MICAL2: variants seen among roughly 807,000 people sequenced by gnomAD.
MICAL2 encodes [F-actin]-monooxygenase MICAL2.
Under a neutral mutation model 127.3 loss-of-function variants are expected in MICAL2, and 77 were observed. The observed-to-expected ratio is 0.60, with a 90% CI of 0.50 to 0.73. MICAL2 has a LOEUF of 0.73. Ranked by LOEUF, MICAL2 falls within the 30% of genes least tolerant of loss-of-function variation. The pLI is 0.00. For synonymous variants in MICAL2, 570 were observed against 551.1 expected, an observed-to-expected ratio of 1.03 and a Z score of -0.48; for missense variants, 1,351 against 1,434.4, an observed-to-expected ratio of 0.94 and a Z score of 0.94.
At chr11:12,265,545 T>C (rs1210828731), downstream of MICAL2, among the ~76,000 whole-genome samples, 2 of 152,180 alleles carry the variant, frequency 1.3e-5, no homozygotes, top group Admixed American at 6.5e-5. Flanking sequence ...AAATATTAAA[T>C]AGACCATTAG....
intron 1 of MICAL2, among the ~76,000 whole-genome samples, chr11:12,279,204 T>C (rs1863747941): frequency 6.6e-6 from 1 of 152,158 alleles, no homozygotes; most frequent in Non-Finnish European, 1.5e-5. Flanking sequence ...TTTGGTTCTC[T>C]GCATCAGAGG....
chr11:12,337,285 G>A (rs1938782275), intron 32 of MICAL2, among the ~76,000 whole-genome samples: 1 of 152,112 alleles, frequency 6.6e-6, no homozygotes, highest in South Asian at 2.1e-4. Flanking sequence ...TATTTCTGTG[G>A]GATCGGTGGT....
At chr11:12,272,852 A>G (rs1863687877), upstream of MICAL2, among the ~76,000 whole-genome samples, 1 of 152,184 alleles carries the variant, frequency 6.6e-6, no homozygotes, top group Admixed American at 6.5e-5. Context: ...TAGCAGGAAC[A>G]TGAGTGACAG....
At chr11:12,178,726 A>ATTT (rs11438609) in intron 3 of MICAL2, among the ~76,000 whole-genome samples, 1,677 of 146,318 alleles carry the variant, frequency 0.011, 31 homozygotes, top group African/African-American at 0.04. Context: ...TATTATTACT[A>ATTT]TTTTTTTTTT....
chr11:12,162,558 G>C (rs1319935232), intron 3 of MICAL2, 139 bp downstream of exon 3: 1 of 1,147,080 alleles, frequency 8.7e-7, no homozygotes, highest in East Asian at 2.6e-5. Context: ...TCCGGTAAAG[G>C]TTTCCTTTGT....
In MICAL2 at chr11:12,241,107, G is replaced by A. The variant is rs765838978; in HGVS notation, c.2282G>A (p.Cys761Tyr). 6.2e-7 allele frequency: 1 copy of A among 1,614,068 alleles called. No homozygotes were observed. The highest frequency in any genetic ancestry group is 1.7e-5 in the Admixed American group (1 of 60,006). The part of the protein sequence containing the change: ...CSSSGPPVHS[C>Y]CPKPEEATPS... ...TCCTCCGGCCCTCCTGTTCACTCTT[G>A]CTGCCCCAAGCCGGAGGAGGCCACA... is the stretch of plus-strand genomic sequence containing the variant. The change falls in exon 18 of 28, where the codon TGC becomes TAC. Residue 761 changes from cysteine (C) to tyrosine (Y), a missense_variant. Physicochemically the swap from Cys to Tyr is radical, Grantham distance 194 (BLOSUM62 -2). Coordinates refer to ENST00000683283, the MANE Select transcript of MICAL2 (RefSeq NM_001282663.2).
intron 32 of MICAL2, among the ~76,000 whole-genome samples, chr11:12,344,405 G>A (rs1408127732): frequency 6.6e-6 from 1 of 151,492 alleles, no homozygotes; most frequent in Non-Finnish European, 1.5e-5. Flanking sequence ...AGAGGTCTTG[G>A]AGCACATTTT....
upstream of MICAL2, among the ~76,000 whole-genome samples, chr11:12,272,597 C>T (rs1863685563): frequency 6.6e-6 from 1 of 152,302 alleles, no homozygotes; most frequent in East Asian, 1.9e-4. Context: ...TTGCCACAGT[C>T]ATTCTATGTA....
At chr11:12,266,194 C>T (rs1162946800), downstream of MICAL2, among the ~76,000 whole-genome samples, 1 of 152,156 alleles carries the variant, frequency 6.6e-6, no homozygotes, top group Non-Finnish European at 1.5e-5. Context: ...ATATGAACTT[C>T]ATCCCAAGTA....
intron 32 of MICAL2, among the ~76,000 whole-genome samples, chr11:12,336,765 T>G (rs1255886267): frequency 6.6e-6 from 1 of 152,086 alleles, no homozygotes; most frequent in East Asian, 1.9e-4. Flanking sequence ...TTATTGATTT[T>G]CATATGTTGA....
Position 12,276,556 on chromosome 11 carries a change from G to T in MICAL2, c.87+390G>T, listed in dbSNP as rs552566239. 8.1e-4 allele frequency: 129 copies of T among 158,494 alleles called. 1 individual carries two copies. The highest frequency in any genetic ancestry group is 1.4e-3 in the Non-Finnish European group (103 of 72,382). 9.8% of individuals were successfully genotyped at this position (158,494 alleles called of 1,614,324 possible). On this transcript the variant is annotated intron_variant, in intron 1 of 2. Coordinates refer to the MICAL2 transcript ENST00000529028. ...GATGGTGATGCATGGGGCTGGGCAG[G>T]CTAGGATTCAGAGTGGGGAACATGA... is the stretch of plus-strand genomic sequence containing the variant.
chr11:12,227,707 A>G (rs945388751), intron 15 of MICAL2, among the ~76,000 whole-genome samples: 2 of 152,220 alleles, frequency 1.3e-5, no homozygotes, highest in African/African-American at 4.8e-5. Context: ...GAGGTTCCCA[A>G]ACTTTCTCAA....
At chr11:12,137,280 C>T (rs1590034711) in intron 1 of MICAL2, among the ~76,000 whole-genome samples, 1 of 24,632 alleles carries the variant, frequency 4.1e-5, no homozygotes, top group African/African-American at 6.2e-5. Context: ...GGTGTGTGGG[C>T]CCACCAGGAC....
chr11:12,230,088 C>T (rs1858020816), intron 15 of MICAL2, among the ~76,000 whole-genome samples: 2 of 152,190 alleles, frequency 1.3e-5, no homozygotes, highest in African/African-American at 4.8e-5. Flanking sequence ...ACTGAAATAC[C>T]TCTGCATTCT....
intron 3 of MICAL2, among the ~76,000 whole-genome samples, chr11:12,176,443 CCTT>C (rs541937217): frequency 9.2e-5 from 14 of 152,170 alleles, no homozygotes; most frequent in Non-Finnish European, 1.9e-4. Flanking sequence ...TTAATCGCCT[CCTT>C]CTACTTCTTG....
chr11:12,352,621 T>A (rs1278926747), intron 33 of MICAL2, among the ~76,000 whole-genome samples: 1 of 152,232 alleles, frequency 6.6e-6, no homozygotes, highest in Non-Finnish European at 1.5e-5. Context: ...AAGCCCTGAA[T>A]GAGCATGGAG....
rs563243345 is a variant in MICAL2 at position 12,262,208 on chromosome 11, C to T, written c.3335-272C>T. 2,065 of 1,339,898 alleles carry T rather than the reference C, an allele frequency of 1.5e-3. 4 individuals carry two copies. The highest frequency in any genetic ancestry group is 5.2e-3 in the Middle Eastern group (18 of 3,492). The allele number at this position is 1,339,898 out of a possible 1,614,324, so 83.0% of individuals were successfully genotyped here. On this transcript the variant is annotated intron_variant, in intron 26 of 27. Coordinates refer to ENST00000683283, the MANE Select transcript of MICAL2 (RefSeq NM_001282663.2). Reference sequence around the variant, plus strand: ...AACATATTCAAGAATGAATGGGAGACGCTAGAGTAAAATGGGGGCAGAGAG... The same window carrying T: ...AACATATTCAAGAATGAATGGGAGATGCTAGAGTAAAATGGGGGCAGAGAG...
chr11:12,121,969 A>G (rs1422423184), intron 1 of MICAL2, among the ~76,000 whole-genome samples: 2 of 152,154 alleles, frequency 1.3e-5, no homozygotes, highest in East Asian at 1.9e-4. Flanking sequence ...TTTTTCTCCT[A>G]GGATCAGTGC....
At chr11:12,145,141 A>AT (rs71313463) in intron 2 of MICAL2, among the ~76,000 whole-genome samples, 72,762 of 151,944 alleles carry the variant, frequency 0.48, 18,039 homozygotes, top group South Asian at 0.68. Context: ...AGCTGGGTTC[A>AT]TGTAGCACAT....
Sources: gnomAD v4.1 joint callset for allele counts (sites outside exome capture counted in the v4.1 genomes callset) on GRCh38, gnomAD v4.1.1 for gene constraint, MANE v1.5 for transcripts, NCBI Gene and HGNC (gene_info 2026-07-23, HGNC 2026-07-21) for gene names.